The following SLC35E2B variants were observed in gnomAD, a reference collection of about 807,000 sequenced individuals.
SLC35E2B encodes the protein solute carrier family 35 member E2B.
Under a neutral mutation model 32.4 loss-of-function variants are expected in SLC35E2B, and 18 were observed. The ratio of observed to expected loss-of-function variants is 0.56; its 90% CI spans 0.38 to 0.82. The LOEUF is 0.82. SLC35E2B is among the 40% of genes least tolerant of loss of function. The pLI, the probability that SLC35E2B is intolerant of heterozygous loss-of-function variation, is 0.00. For synonymous variants in SLC35E2B, 132 were observed against 209.1 expected (o/e 0.63, Z 3.18); for missense variants, 263 against 469.5 (o/e 0.56, Z 4.06).
At position 1,676,568 on chromosome 1, in the gene SLC35E2B, CT is replaced by C. The variant is rs947941531; in HGVS notation, c.131del (p.Lys44ArgfsTer11). 2 of 689,378 alleles carry C rather than the reference CT, an allele frequency of 2.9e-6. No individual in the cohort carries two copies. Among genetic ancestry groups the C allele is most frequent in the African/African-American group, 4.6e-5 (2 of 43,478 alleles). 42.7% of individuals were successfully genotyped at this position (689,378 alleles called of 1,614,324 possible). A position where few individuals can be genotyped will look rare whatever the true frequency, so the allele number is the denominator to read the frequency against. ...GHRSEKIVFA[K>X]SDGGTDENVL... Reference sequence around the variant, plus strand: ...CGTTCTCATCTGTGCCGCCGTCGCTCTTGGCAAAAACAATCTTCTCACTTCG... The same window carrying C: ...CGTTCTCATCTGTGCCGCCGTCGCTCTGGCAAAAACAATCTTCTCACTTCG... On this transcript the variant is annotated frameshift_variant, in exon 3 of 10. Transcript: ENST00000617444. LOFTEE classifies it high-confidence loss of function.
rs78875124 is a variant in SLC35E2B at position 1,665,917 on chromosome 1, G to T, written c.1083C>A (p.Thr361=). The change falls in exon 10 of 10, where the codon ACC becomes ACA. Residue 361 remains threonine (T), a synonymous_variant. Transcript: ENST00000617444. ...SLSAVGTALV[T]VGVLLYNKAR... is the part of the protein sequence containing the mutation. ...CTTTGTTGTAGAGCAGGACCCCAAC[G>T]GTCACCAGGGCTGTGCCAACGGCCG... is the stretch of plus-strand genomic sequence containing the variant. 136 of 1,551,262 alleles carry T rather than the reference G, an allele frequency of 8.8e-5. No homozygotes were observed. Among genetic ancestry groups the T allele is most frequent in the Admixed American group, 7.8e-5 (4 of 50,984 alleles).
Position 1,665,082 on chromosome 1 carries a change from G to T in SLC35E2B, c.*700C>A. 1 of 445,324 alleles carries T rather than the reference G, an allele frequency of 2.2e-6. No homozygotes were observed. Among genetic ancestry groups the T allele is most frequent in the Non-Finnish European group, 3.0e-6 (1 of 336,190 alleles). 27.6% of individuals were successfully genotyped at this position (445,324 alleles called of 1,614,324 possible). On this transcript the variant is annotated 3_prime_UTR_variant, in exon 10 of 10. Transcript: ENST00000617444. ...CTCACGCAGCCCAGGGTGTGGAAGG[G>T]ATAGGAGGGCAGGGTGTGGAAGAGG...
chr1:1,679,666 A>C (rs1292906324), intron 2 of SLC35E2B, among the ~76,000 whole-genome samples: 2 of 150,996 alleles, frequency 1.3e-5, no homozygotes, highest in Admixed American at 1.3e-4. Context: ...GTCTCTACTA[A>C]AAGTACAAAA....
intron 9 of SLC35E2B, among the ~76,000 whole-genome samples, chr1:1,667,718 C>T (rs969533359): frequency 6.6e-5 from 10 of 152,148 alleles, no homozygotes; most frequent in Admixed American, 3.9e-4. Context: ...CAAGACTAGT[C>T]GCAACGCCCG....
Position 1,670,016 on chromosome 1 carries a change from G to A in SLC35E2B, c.761+82C>T, listed in dbSNP as rs575817010. 43 of 1,256,822 alleles carry A rather than the reference G, an allele frequency of 3.4e-5. No homozygotes were observed. In the African/African-American group the frequency reaches 5.8e-4, roughly 17 times the overall value. The allele number at this position is 1,256,822 out of a possible 1,614,324, so 77.9% of individuals were successfully genotyped here. A position where few individuals can be genotyped will look rare whatever the true frequency, so the allele number is the denominator to read the frequency against. On this transcript the variant is annotated intron_variant, in intron 7 of 9. Coordinates refer to ENST00000617444, the MANE Select transcript of SLC35E2B (RefSeq NM_001290264.2). ...GCCAGACAGGAAGGGAGTCAGGCCT[G>A]TGGGGTGTTCTGACTCTTACAGTGA...
Position 1,663,784 on chromosome 1 carries a change from A to G in SLC35E2B, c.*1998T>C, listed in dbSNP as rs1226100438. The stretch of plus-strand genomic sequence containing the variant: ...GCACCCAGTCTTCTATTAGTTTTTG[A>G]GGAAAGCAGAAAAAAAGAAATGGAA... On this transcript the variant is annotated 3_prime_UTR_variant, in exon 10 of 10. Coordinates refer to ENST00000617444, the MANE Select transcript of SLC35E2B (RefSeq NM_001290264.2). 1.0e-5 allele frequency: 9 copies of G among 873,272 alleles called. 1 individual carries two copies. Among genetic ancestry groups the G allele is most frequent in the Non-Finnish European group, 1.2e-5 (9 of 726,716 alleles). 54.1% of individuals were successfully genotyped at this position (873,272 alleles called of 1,614,324 possible). A position where few individuals can be genotyped will look rare whatever the true frequency, so the allele number is the denominator to read the frequency against.
intron 2 of SLC35E2B, among the ~76,000 whole-genome samples, chr1:1,686,807 A>G (rs1643957023): frequency 1.3e-5 from 2 of 152,008 alleles, no homozygotes; most frequent in African/African-American, 4.8e-5. Flanking sequence ...CTGTAATCCC[A>G]GCACTTTGGG....
chr1:1,673,938 G>A (rs1643772270), intron 5 of SLC35E2B: 1 of 150,866 alleles, frequency 6.6e-6, no homozygotes, highest in Non-Finnish European at 1.5e-5. Context: ...ACTCCAGCCT[G>A]GGCGAGAGAG....
chr1:1,674,795 T>C (rs1416374802), intron 5 of SLC35E2B, among the ~76,000 whole-genome samples: 1 of 152,066 alleles, frequency 6.6e-6, no homozygotes, highest in East Asian at 1.9e-4. Context: ...GACACTTCCC[T>C]CGGCCTTAAG....
intron 2 of SLC35E2B, among the ~76,000 whole-genome samples, chr1:1,678,070 G>A (rs1444577691): frequency 3.9e-5 from 6 of 151,996 alleles, no homozygotes; most frequent in Admixed American, 6.6e-5. Context: ...CTGAAGGGGC[G>A]CCCATCCTGT....
At chr1:1,675,303 G>A (rs1440990332) in intron 5 of SLC35E2B, among the ~76,000 whole-genome samples, 160 bp downstream of exon 5, 4 of 150,424 alleles carry the variant, frequency 2.7e-5, no homozygotes, top group Middle Eastern at 3.2e-3. Flanking sequence ...AGACACCCCC[G>A]CACATGTGAC....
At chr1:1,687,843 A>G in intron 2 of SLC35E2B, among the ~76,000 whole-genome samples, 1 of 152,090 alleles carries the variant, frequency 6.6e-6, no homozygotes, top group Non-Finnish European at 1.5e-5. Context: ...GCAGGGAACC[A>G]AGATTGCACC....
chr1:1,673,244 G>A (rs1040807060), intron 5 of SLC35E2B: 11 of 438,882 alleles, frequency 2.5e-5, no homozygotes, highest in South Asian at 6.5e-5. Flanking sequence ...GCTCATACAC[G>A]CACTGAGGGT....
chr1:1,689,570 C>A (rs1570350490), intron 2 of SLC35E2B, among the ~76,000 whole-genome samples: 1 of 151,704 alleles, frequency 6.6e-6, no homozygotes, highest in East Asian at 1.9e-4. Context: ...AAGAGAATGT[C>A]TTCCTGACCC....
At chr1:1,686,912 C>T (rs61776793) in intron 2 of SLC35E2B, among the ~76,000 whole-genome samples, 9 of 151,778 alleles carry the variant, frequency 5.9e-5, no homozygotes, top group East Asian at 1.9e-4. Flanking sequence ...AAAAATTAGC[C>T]GGGCGTGGTG....
chr1:1,670,968 A>G (rs1167609914), intron 6 of SLC35E2B: 2 of 152,146 alleles, frequency 1.3e-5, no homozygotes, highest in Non-Finnish European at 2.9e-5. Context: ...CCCGAAGTGC[A>G]GCGTCCACCG....
intron 2 of SLC35E2B, among the ~76,000 whole-genome samples, chr1:1,688,656 C>T (rs1389241052): frequency 1.3e-5 from 2 of 151,250 alleles, no homozygotes; most frequent in East Asian, 3.9e-4. Flanking sequence ...AGATCCAGCC[C>T]TATGAGGCAC....
chr1:1,681,989 A>G (rs1444752227), intron 2 of SLC35E2B, among the ~76,000 whole-genome samples: 1 of 3,248 alleles, frequency 3.1e-4, no homozygotes, highest in Non-Finnish European at 8.7e-4. Flanking sequence ...ACTCTGTCTC[A>G]AAAAAAAAAA....
chr1:1,665,100 G>T lies in SLC35E2B; in HGVS notation c.*682C>A. On this transcript the variant is annotated 3_prime_UTR_variant, in exon 10 of 10. Transcript: ENST00000617444. ...TGGAAGGGATAGGAGGGCAGGGTGTGGAAGAGGTAGGGGGCCTTCCTCTAA... is the reference window on the plus strand; with the variant it reads ...TGGAAGGGATAGGAGGGCAGGGTGTTGAAGAGGTAGGGGGCCTTCCTCTAA... 3.3e-6 allele frequency: 1 copy of T among 298,592 alleles called. No homozygotes were observed. Among genetic ancestry groups the T allele is most frequent in the Non-Finnish European group, 5.0e-6 (1 of 201,988 alleles). The allele number at this position is 298,592 out of a possible 1,614,324, so 18.5% of individuals were successfully genotyped here.
Sources: gnomAD v4.1 joint callset for allele counts (sites outside exome capture counted in the v4.1 genomes callset) on GRCh38, gnomAD v4.1.1 for gene constraint, MANE v1.5 for transcripts, NCBI Gene and HGNC (gene_info 2026-07-23, HGNC 2026-07-21) for gene names.